Variants in TTLL3 observed in about 807,000 individuals in gnomAD.
The protein encoded by TTLL3 is tubulin tyrosine ligase like 3.
TTLL3 carries 63 observed loss-of-function variants against 75.2 expected under a neutral mutation model. The ratio of observed to expected loss-of-function variants is 0.84; its 90% CI spans 0.68 to 1.03. The LOEUF (loss-of-function observed/expected upper bound fraction) is 1.03. TTLL3 is among the 50% of genes least tolerant of loss of function. The probability of loss-of-function intolerance (pLI) is 0.00; values close to 1 mark genes in which losing one functional copy is unlikely to be tolerated. For synonymous variants in TTLL3, 393 were observed against 418.5 expected (o/e 0.94, Z 0.74); for missense variants, 997 against 1,069.9 (o/e 0.93, Z 0.95).
rs754599315 is a variant in TTLL3, at chr3:9,816,071, C to A, written c.316-3C>A. 7.4e-7 allele frequency: 1 copy of A among 1,353,574 alleles called. No homozygotes were observed. Among genetic ancestry groups the A allele is most frequent in the Non-Finnish European group, 9.9e-7 (1 of 1,015,208 alleles). The allele number at this position is 1,353,574 out of a possible 1,614,324, so 83.8% of individuals were successfully genotyped here. A position where few individuals can be genotyped will look rare whatever the true frequency, so the allele number is the denominator to read the frequency against. On this transcript the variant is annotated splice_polypyrimidine_tract_variant and splice_region_variant and intron_variant, in intron 4 of 13. Transcript: ENST00000685419. ...GTGTTTCTGTCTCCTCCTGTCTCCC[C>A]AGTCCCGCATGGTCCAGAATGAGAT...
At chr3:9,816,845 C>T (rs2079916428) in intron 5 of TTLL3, among the ~76,000 whole-genome samples, 1 of 152,098 alleles carries the variant, frequency 6.6e-6, no homozygotes, top group African/African-American at 2.4e-5. Context: ...GCCTCAATTT[C>T]CTCATCTTTC....
At chr3:9,819,963 T>A in intron 7 of TTLL3, 1 of 986,306 alleles carries the variant, frequency 1.0e-6, no homozygotes, top group African/African-American at 1.7e-5. Context: ...AGCACTGCGA[T>A]GTTCAGGGGT....
intron 11 of TTLL3, among the ~76,000 whole-genome samples, chr3:9,832,067 C>T (rs1257350670): frequency 2.1e-5 from 3 of 145,870 alleles, no homozygotes; most frequent in South Asian, 2.2e-4. Context: ...CCACCGCGCC[C>T]GGCAATAGCT....
chr3:9,835,427 G>T lies in TTLL3; in HGVS notation c.2386G>T (p.Val796Phe), dbSNP rs762214823. Residue 796 changes from valine (V) to phenylalanine (F), a missense_variant, in exon 14 of 14, where the codon GTT (valine) becomes TTT (phenylalanine). Coordinates refer to ENST00000685419, the MANE Select transcript of TTLL3 (RefSeq NM_001387446.1). ...VKYLGLDSIA[V>F]GGSRVDGARP... ...GTATTTGGGGCTTGACTCCATTGCT[G>T]TTGGAGGGTCAAGAGTGGATGGGGC... 4 of 1,612,760 alleles carry T rather than the reference G, an allele frequency of 2.5e-6. No individual in the cohort carries two copies. Among genetic ancestry groups the T allele is most frequent in the South Asian group, 1.1e-5 (1 of 90,984 alleles).
chr3:9,827,056 GTGA>G lies in TTLL3; in HGVS notation c.1067_1069del (p.Met356del). 7 of 1,614,240 alleles carry G rather than the reference GTGA, an allele frequency of 4.3e-6. No homozygotes were observed. The highest frequency in any genetic ancestry group is 5.9e-6 in the Non-Finnish European group (7 of 1,180,046). On this transcript the variant is annotated inframe_deletion, in exon 10 of 14. Coordinates refer to ENST00000685419, the MANE Select transcript of TTLL3 (RefSeq NM_001387446.1). Reference sequence around the variant, plus strand: ...GAAGCTGGTGAACGGCAACCCCGTGGTGATGAAGGACGGCAAGTGGGTGGTGCA... The same window carrying G: ...GAAGCTGGTGAACGGCAACCCCGTGGTGAAGGACGGCAAGTGGGTGGTGCA...
rs773546618 is a variant in TTLL3, at chr3:9,817,735, G to C, written c.535G>C (p.Glu179Gln). ...FFPRCYCLGA[E>Q]DDKKAFIEDF... ...CCCACGCTGCTACTGCCTGGGGGCT[G>C]AGGATGACAAAAAAGCCTTCATAGG... The change falls in exon 6 of 14, where the codon GAG (glutamate) becomes CAG (glutamine). Residue 179 changes from glutamate to glutamine, a missense_variant. Glu to Gln is a conservative substitution (Grantham distance 29). Coordinates refer to ENST00000685419, the MANE Select transcript of TTLL3 (RefSeq NM_001387446.1). The C allele has an allele frequency of 5.0e-6, 8 of 1,614,128 alleles. No homozygotes were observed. Among genetic ancestry groups the C allele is most frequent in the Non-Finnish European group, 6.8e-6 (8 of 1,180,016 alleles).
At chr3:9,826,569 C>A (rs1198092558) in intron 9 of TTLL3, among the ~76,000 whole-genome samples, 2 of 151,848 alleles carry the variant, frequency 1.3e-5, no homozygotes, top group Admixed American at 6.6e-5. Context: ...CCTGTCTCTA[C>A]TAAAAATACA....
At chr3:9,829,541 G>A (rs2081338989) in intron 11 of TTLL3, 146 bp downstream of exon 11, 3 of 1,036,842 alleles carry the variant, frequency 2.9e-6, no homozygotes, top group Non-Finnish European at 4.0e-6. Context: ...TCACTTCCTT[G>A]AGCCTCAGTT....
Position 9,834,814 on chromosome 3 carries a change from G to A in TTLL3, c.1959G>A (p.Lys653=), listed in dbSNP as rs568270497. ...CTAAGGCCCTGTCGACCACAGGCAA[G>A]GCCTTGAGGACTCTACCCACGGCTA... ...VGTKALSTTG[K]ALRTLPTAKV... Residue 653 remains lysine, a synonymous_variant, in exon 13 of 14, where the codon AAG becomes AAA. Coordinates refer to ENST00000685419, the MANE Select transcript of TTLL3 (RefSeq NM_001387446.1). 7.4e-6 allele frequency: 12 copies of A among 1,614,192 alleles called. No individual in the cohort carries two copies. In the African/African-American group the frequency reaches 1.5e-4, roughly 20 times the overall value.
At chr3:9,812,168 T>C (rs997428230) in intron 2 of TTLL3, among the ~76,000 whole-genome samples, 1 of 151,540 alleles carries the variant, frequency 6.6e-6, no homozygotes, top group Non-Finnish European at 1.5e-5. Context: ...AGGCCAGGAG[T>C]TGGAGACCAG....
At chr3:9,819,117 A>C in intron 7 of TTLL3, 197 bp downstream of exon 7, 5 of 659,962 alleles carry the variant, frequency 7.6e-6, no homozygotes, top group East Asian at 3.0e-5. Context: ...GTATTCACCC[A>C]CTCTCTGATC....
At chr3:9,834,367 C>T (rs1268536139) in intron 12 of TTLL3, 1 of 566,260 alleles carries the variant, frequency 1.8e-6, no homozygotes, top group African/African-American at 1.9e-5. Flanking sequence ...GCTACCTGCC[C>T]AGCTCCTTTA....
In TTLL3 at chr3:9,833,087, C is replaced by T. The variant is rs777434105; in HGVS notation, c.1684-17C>T. On this transcript the variant is annotated splice_polypyrimidine_tract_variant and intron_variant, in intron 11 of 13. Coordinates refer to ENST00000685419, the MANE Select transcript of TTLL3 (RefSeq NM_001387446.1). ...ACCACTGACTGAGTGGGCCTTGTCTCCTCTTCTTGCCCACAGCCTGCTGTG... is the reference window on the plus strand; with the variant it reads ...ACCACTGACTGAGTGGGCCTTGTCTTCTCTTCTTGCCCACAGCCTGCTGTG... 6 of 1,613,768 alleles carry T rather than the reference C, an allele frequency of 3.7e-6. No individual in the cohort carries two copies. The highest frequency in any genetic ancestry group is 5.1e-6 in the Non-Finnish European group (6 of 1,179,774).
chr3:9,823,748 T>C (rs2080746749), intron 8 of TTLL3, among the ~76,000 whole-genome samples: 1 of 152,172 alleles, frequency 6.6e-6, no homozygotes, highest in African/African-American at 2.4e-5. Context: ...AAAGAGAAAG[T>C]TCTCCATGAC....
In TTLL3 at chr3:9,824,265, T is replaced by TTTAAGATTGG. The variant is rs1441094489; in HGVS notation, c.855-1535_855-1534insTTAAGATTGG. Among the ~76,000 whole-genome samples, 437 of 152,298 alleles carry TTTAAGATTGG rather than the reference T, an allele frequency of 2.9e-3. 5 individuals carry two copies. Among genetic ancestry groups the TTTAAGATTGG allele is most frequent in the African/African-American group, 0.01 (432 of 41,548 alleles). On this transcript the variant is annotated intron_variant, in intron 8 of 13. Coordinates refer to ENST00000685419, the MANE Select transcript of TTLL3 (RefSeq NM_001387446.1). ...ATTAGGCTAACATTGTTTCAGCCAATATTAGGCACAGATTAAGACAGGAAT... is the reference window on the plus strand; with the variant it reads ...ATTAGGCTAACATTGTTTCAGCCAATTTAAGATTGGATTAGGCACAGATTAAGACAGGAAT...
In TTLL3 at chr3:9,826,209, C is replaced by T. The variant is rs1010449967; in HGVS notation, c.1003+261C>T. 2.0e-5 allele frequency among the ~76,000 whole-genome samples: 3 copies of T among 152,330 alleles called. No homozygotes were observed. In the South Asian group the frequency reaches 6.2e-4, roughly 32 times the overall value. ...GCAGTCATGCAGCTAAAGCACTATT[C>T]CAAATCCTCAACGTGCTTCAATTTA... is the stretch of plus-strand genomic sequence containing the variant. On this transcript the variant is annotated intron_variant, in intron 9 of 13. Coordinates refer to ENST00000685419, the MANE Select transcript of TTLL3 (RefSeq NM_001387446.1).
chr3:9,814,711 C>T (rs187215472), intron 4 of TTLL3, among the ~76,000 whole-genome samples: 28 of 151,866 alleles, frequency 1.8e-4, no homozygotes, highest in Non-Finnish European at 3.5e-4. Context: ...ATCCCAGCTA[C>T]TCGGGAGGCT....
chr3:9,834,779 C>A lies in TTLL3; in HGVS notation c.1924C>A (p.Leu642Met), dbSNP rs746244637. 1 of 1,614,256 alleles carries A rather than the reference C, an allele frequency of 6.2e-7. No homozygotes were observed. Among genetic ancestry groups the A allele is most frequent in the Non-Finnish European group, 8.5e-7 (1 of 1,180,046 alleles). Residue 642 changes from leucine to methionine, a missense_variant, in exon 13 of 14, where the codon CTG becomes ATG. By Grantham distance (15) the Leu-to-Met change is conservative. Coordinates refer to ENST00000685419, the MANE Select transcript of TTLL3 (RefSeq NM_001387446.1). Reference protein sequence around the residue: ...GQVLRRQHSKLVGTKALSTTG... With the variant: ...GQVLRRQHSKMVGTKALSTTG... ...GGTCCTCAGACGACAGCACAGCAAGCTGGTGGGCACTAAGGCCCTGTCGAC... is the reference window on the plus strand; with the variant it reads ...GGTCCTCAGACGACAGCACAGCAAGATGGTGGGCACTAAGGCCCTGTCGAC...
chr3:9,822,776 T>C (rs1415132410), intron 8 of TTLL3, among the ~76,000 whole-genome samples: 1 of 144,678 alleles, frequency 6.9e-6, no homozygotes, highest in Non-Finnish European at 1.5e-5. Flanking sequence ...TATATACATA[T>C]ATATATATAT....
Sources: allele counts gnomAD v4.1 joint callset (sites outside exome capture counted in the v4.1 genomes callset), GRCh38; gene constraint gnomAD v4.1.1; transcripts MANE v1.5; gene names NCBI Gene and HGNC (gene_info 2026-07-23, HGNC 2026-07-21).